RNF8: variants seen among roughly 807,000 people sequenced by gnomAD.
The protein encoded by RNF8 is ring finger protein 8.
RNF8 carries 8 observed loss-of-function variants against 59.3 expected under a neutral mutation model. That is an observed-to-expected ratio of 0.13 (90% CI 0.08 to 0.24). The LOEUF is 0.24. Among genes scored for constraint, RNF8 ranks in the 10% least tolerant of loss-of-function variants. The pLI is 1.00. For synonymous variants in RNF8, 162 were observed against 200.0 expected (o/e 0.81, Z 1.60); for missense variants, 406 against 572.6 (o/e 0.71, Z 2.97).
At chr6:37,381,923 A>G (rs570407997) in intron 7 of RNF8, among the ~76,000 whole-genome samples, 2 of 152,312 alleles carry the variant, frequency 1.3e-5, no homozygotes, top group South Asian at 2.1e-4. Flanking sequence ...AGGGCAGAGT[A>G]GACTTTGAAA....
chr6:37,373,842 T>C (rs1468238849), intron 4 of RNF8, among the ~76,000 whole-genome samples: 2 of 152,220 alleles, frequency 1.3e-5, no homozygotes, highest in Admixed American at 1.3e-4. Flanking sequence ...ATTTGGTTCT[T>C]GAATAATATC....
In RNF8 at chr6:37,369,227, C is replaced by T; in HGVS notation, c.975+9C>T. 3.1e-6 allele frequency: 5 copies of T among 1,599,354 alleles called. No homozygotes were observed. The highest frequency in any genetic ancestry group is 4.3e-6 in the Non-Finnish European group (5 of 1,173,092). On this transcript the variant is annotated intron_variant, in intron 3 of 7. Transcript: ENST00000373479. ...AGGAACAGCATCTTCAGGTACCACA[C>T]AGAAGGGAAGGGCAAGAGTGGTCTT...
intron 2 of RNF8, chr6:37,361,202 A>T: frequency 2.2e-6 from 1 of 454,274 alleles, no homozygotes; most frequent in South Asian, 1.6e-5. Context: ...GTGGTGGCAC[A>T]TGCCTGTAGT....
intron 6 of RNF8, among the ~76,000 whole-genome samples, chr6:37,378,723 T>C (rs1309746741): frequency 1.3e-5 from 2 of 152,348 alleles, no homozygotes; most frequent in South Asian, 2.1e-4. Context: ...ACTGTTTCTT[T>C]TCCTCTGGGT....
chr6:37,364,298 G>A (rs1379422981), intron 2 of RNF8, among the ~76,000 whole-genome samples: 1 of 152,024 alleles, frequency 6.6e-6, no homozygotes, highest in Admixed American at 6.5e-5. Flanking sequence ...GTTAAATCTG[G>A]ATAGTAGTCA....
chr6:37,379,669 A>C (rs993863076), intron 6 of RNF8, among the ~76,000 whole-genome samples: 100 of 152,336 alleles, frequency 6.6e-4, no homozygotes, highest in African/African-American at 2.3e-3. Flanking sequence ...GTTGTCAACG[A>C]ACCCACTACA....
intron 1 of RNF8, chr6:37,359,173 T>G (rs183253185): frequency 4.5e-6 from 2 of 447,892 alleles, no homozygotes; most frequent in Non-Finnish European, 8.9e-6. Context: ...TTCATTTCCT[T>G]CCTTCACAGG....
chr6:37,366,802 C>T (rs903656382), intron 2 of RNF8, among the ~76,000 whole-genome samples: 2 of 152,144 alleles, frequency 1.3e-5, no homozygotes, highest in African/African-American at 4.8e-5. Flanking sequence ...TGGCCTATCC[C>T]CTGAACTTAA....
chr6:37,364,834 G>A (rs1357070083), intron 2 of RNF8, among the ~76,000 whole-genome samples: 1 of 152,118 alleles, frequency 6.6e-6, no homozygotes, highest in Non-Finnish European at 1.5e-5. Context: ...GCAATGGCGT[G>A]AACCCGGCTC....
Position 37,381,272 on chromosome 6 carries a change from G to A in RNF8, c.1359G>A (p.Leu453=), listed in dbSNP as rs1770250300. Reference sequence around the variant, plus strand: ...AGTCCAAAACGTACTCTTTGGTTCTGGACAATTGCATTAATAAGATGGTAA... The same window carrying A: ...AGTCCAAAACGTACTCTTTGGTTCTAGACAATTGCATTAATAAGATGGTAA... ...DIKSKTYSLV[L]DNCINKMVNN... is the part of the protein sequence containing the mutation. The change falls in exon 7 of 8, where the codon CTG becomes CTA. Residue 453 remains leucine (L), a synonymous_variant. Transcript: ENST00000373479. 1 of 1,614,156 alleles carries A rather than the reference G, an allele frequency of 6.2e-7. No individual in the cohort carries two copies. The highest frequency in any genetic ancestry group is 8.5e-7 in the Non-Finnish European group (1 of 1,180,026).
intron 2 of RNF8, among the ~76,000 whole-genome samples, chr6:37,364,184 A>AT (rs1769454789): frequency 6.6e-6 from 1 of 151,666 alleles, no homozygotes; most frequent in Non-Finnish European, 1.5e-5. Context: ...GTCTCAAAAA[A>AT]AAAAAAAAAA....
chr6:37,375,915 G>A (rs1238586699), intron 5 of RNF8, among the ~76,000 whole-genome samples: 1 of 152,196 alleles, frequency 6.6e-6, no homozygotes, highest in Non-Finnish European at 1.5e-5. Context: ...CTTAAAAAGT[G>A]TGTCCACACG....
Position 37,368,969 on chromosome 6 carries a change from T to A in RNF8, c.726T>A (p.Ser242=), listed in dbSNP as rs1399921216. The change falls in exon 3 of 8, where the codon TCT becomes TCA. Residue 242 remains serine (S), a synonymous_variant. Transcript: ENST00000373479. Reference sequence around the variant, plus strand: ...AGAAAGCCTCAAACTCTTCAGCATCTCAGAGAAGCTTACAGATGTTTAAGG... The same window carrying A: ...AGAAAGCCTCAAACTCTTCAGCATCACAGAGAAGCTTACAGATGTTTAAGG... ...HEQKASNSSA[S]QRSLQMFKVT... 1.2e-6 allele frequency: 2 copies of A among 1,614,072 alleles called. No homozygotes were observed. The highest frequency in any genetic ancestry group is 2.2e-5 in the East Asian group (1 of 44,902).
intron 1 of RNF8, among the ~76,000 whole-genome samples, chr6:37,354,563 G>T (rs905163200): frequency 6.6e-6 from 1 of 152,148 alleles, no homozygotes; most frequent in Admixed American, 6.5e-5. Context: ...GCCCGGGGGG[G>T]CCACAAGGGT....
rs746379521 is a variant in RNF8 at position 37,368,339 on chromosome 6, T to C, written c.241-145T>C. The C allele has an allele frequency of 5.5e-5, 88 of 1,588,650 alleles. No homozygotes were observed. In the Admixed American group the frequency reaches 1.5e-3, roughly 26 times the overall value. On this transcript the variant is annotated intron_variant, in intron 2 of 7. Coordinates refer to ENST00000373479, the MANE Select transcript of RNF8 (RefSeq NM_003958.4). ...GCTTGACGAATGCTGTTTCTAAGGA[T>C]GGTCGTTTATGAATCTTTCTTTTCT...
At chr6:37,377,923 T>C (rs1056532608) in intron 6 of RNF8, among the ~76,000 whole-genome samples, 2 of 152,216 alleles carry the variant, frequency 1.3e-5, no homozygotes, top group African/African-American at 4.8e-5. Context: ...TTTGACAAAT[T>C]CTGCTGTTTG....
rs1383466986 is a variant in RNF8, at chr6:37,391,395, C to G, written c.*637C>G. ...CAGCCTAAGAGGCCAAGCTGCAGATCGTGGCAACAGATGAGCTCTGTTAAC... is the reference window on the plus strand; with the variant it reads ...CAGCCTAAGAGGCCAAGCTGCAGATGGTGGCAACAGATGAGCTCTGTTAAC... On this transcript the variant is annotated 3_prime_UTR_variant, in exon 8 of 8. Coordinates refer to ENST00000373479, the MANE Select transcript of RNF8 (RefSeq NM_003958.4). 6.5e-6 allele frequency: 1 copy of G among 152,724 alleles called. No individual in the cohort carries two copies. Among genetic ancestry groups the G allele is most frequent in the African/African-American group, 2.4e-5 (1 of 41,440 alleles). The allele number at this position is 152,724 out of a possible 1,614,324, so 9.5% of individuals were successfully genotyped here. A position where few individuals can be genotyped will look rare whatever the true frequency, so the allele number is the denominator to read the frequency against.
chr6:37,354,102 A>C lies in RNF8; in HGVS notation c.-63A>C. The C allele has an allele frequency of 7.5e-7, 1 of 1,340,082 alleles. No homozygotes were observed. The highest frequency in any genetic ancestry group is 1.0e-6 in the Non-Finnish European group (1 of 954,446). The allele number at this position is 1,340,082 out of a possible 1,614,324, so 83.0% of individuals were successfully genotyped here. On this transcript the variant is annotated 5_prime_UTR_variant, in exon 1 of 8. Transcript: ENST00000373479. ...ATATGGAAGCTGAGGGGATGCACAGAGGCAGCCAGAACCTAGGTCAGGGTC... is the reference window on the plus strand; with the variant it reads ...ATATGGAAGCTGAGGGGATGCACAGCGGCAGCCAGAACCTAGGTCAGGGTC...
At chr6:37,361,208 G>A (rs1422928389) in intron 2 of RNF8, 10 of 454,334 alleles carry the variant, frequency 2.2e-5, no homozygotes, top group Non-Finnish European at 4.0e-5. Flanking sequence ...GCACATGCCT[G>A]TAGTCCCAAC....
Sources: allele counts gnomAD v4.1 joint callset (sites outside exome capture counted in the v4.1 genomes callset), GRCh38; gene constraint gnomAD v4.1.1; transcripts MANE v1.5; gene names NCBI Gene and HGNC (gene_info 2026-07-23, HGNC 2026-07-21).